Variants in PRPSAP1 observed in about 807,000 individuals in gnomAD.
PRPSAP1 encodes phosphoribosyl pyrophosphate synthase-associated protein 1.
In PRPSAP1, 31 loss-of-function variants were observed where a neutral mutation model predicts 39.4. That is an observed-to-expected ratio of 0.79 (90% CI 0.59 to 1.06). PRPSAP1 has a LOEUF of 1.06. Among genes scored for constraint, PRPSAP1 ranks in the 50% least tolerant of loss-of-function variants. The pLI, the probability that PRPSAP1 is intolerant of heterozygous loss-of-function variation, is 0.00. For missense variants in PRPSAP1, 430 were observed against 511.6 expected (o/e 0.84, Z 1.54); for synonymous variants, 212 against 192.6 (o/e 1.10, Z -0.83).
In PRPSAP1 at chr17:76,330,554, T is replaced by C. The variant is rs1442367252; in HGVS notation, c.576A>G (p.Glu192=). The stretch of plus-strand genomic sequence containing the variant: ...GTGTTTGCTGGTGGTTCCTCACTTC[T>C]TCCTGGATATACTGAAGCAGGAAAG... The part of the protein sequence containing the change: ...ASPFLLQYIQ[E]EIPNYRNAVI... The change falls in exon 5 of 10, where the codon GAA becomes GAG. Residue 192 remains glutamate (E), a synonymous_variant. Transcript: ENST00000446526. The C allele has an allele frequency of 1.3e-6, 2 of 1,595,202 alleles. No homozygotes were observed. The highest frequency in any genetic ancestry group is 1.1e-5 in the South Asian group (1 of 89,902).
intron 7 of PRPSAP1, among the ~76,000 whole-genome samples, chr17:76,322,492 A>G (rs2071208772): frequency 1.3e-5 from 2 of 152,222 alleles, no homozygotes; most frequent in African/African-American, 2.4e-5. Flanking sequence ...TACAACATCC[A>G]TTCTGCAGCC....
chr17:76,328,885 T>A (rs985653378), intron 6 of PRPSAP1, 23 bp from the exon 7 acceptor site: 15 of 1,587,216 alleles, frequency 9.5e-6, no homozygotes, highest in Non-Finnish European at 1.2e-5. Flanking sequence ...AGGGAAATGG[T>A]GAAACTGACA....
intron 3 of PRPSAP1, among the ~76,000 whole-genome samples, chr17:76,339,174 G>A (rs1357978315): frequency 1.3e-5 from 2 of 152,052 alleles, no homozygotes; most frequent in Non-Finnish European, 2.9e-5. Flanking sequence ...GGAGGCCAAG[G>A]CGGGTGGATC....
At position 76,332,254 on chromosome 17, in the gene PRPSAP1, C is replaced by A. The variant is rs1203159958; in HGVS notation, c.463+9G>T. 6.2e-7 allele frequency: 1 copy of A among 1,613,202 alleles called. No homozygotes were observed. The highest frequency in any genetic ancestry group is 1.7e-5 in the Admixed American group (1 of 59,986). On this transcript the variant is annotated intron_variant, in intron 4 of 9. Transcript: ENST00000446526. ...ATGCTGGAACCCCAGGGCCCCCGCG[C>A]ACACTCACCTGCTTTCGCCAGCATG...
In PRPSAP1 at chr17:76,339,756, A is replaced by T. The variant is rs1246941565; in HGVS notation, c.290+4915T>A. Among the ~76,000 whole-genome samples the T allele has an allele frequency of 2.6e-5, 4 of 151,648 alleles. No individual in the cohort carries two copies. In the South Asian group the frequency reaches 8.3e-4, roughly 31 times the overall value. Reference sequence around the variant, plus strand: ...GCCTTTCCATGTTGACTTATGTAAAATTGTCATTGTTATTGTACAAGACTC... The same window carrying T: ...GCCTTTCCATGTTGACTTATGTAAATTTGTCATTGTTATTGTACAAGACTC... On this transcript the variant is annotated intron_variant, in intron 3 of 9. Coordinates refer to ENST00000446526, the MANE Select transcript of PRPSAP1 (RefSeq NM_002766.3).
At chr17:76,336,109 T>A (rs1240112745) in intron 3 of PRPSAP1, among the ~76,000 whole-genome samples, 1 of 152,180 alleles carries the variant, frequency 6.6e-6, no homozygotes, top group Non-Finnish European at 1.5e-5. Context: ...AGATAAACAA[T>A]TTTTGAGAAG....
At chr17:76,339,388 C>G (rs1347748713) in intron 3 of PRPSAP1, among the ~76,000 whole-genome samples, 1 of 151,764 alleles carries the variant, frequency 6.6e-6, no homozygotes, top group East Asian at 1.9e-4. Context: ...CTGGGCAACA[C>G]AGCAAGCCTC....
At position 76,328,773 on chromosome 17, in the gene PRPSAP1, C is replaced by T. The variant is rs371296245; in HGVS notation, c.725G>A (p.Arg242His). The T allele has an allele frequency of 3.1e-6, 5 of 1,614,104 alleles. No homozygotes were observed. Among genetic ancestry groups the T allele is most frequent in the East Asian group, 2.2e-5 (1 of 44,886 alleles). Residue 242 changes from arginine to histidine, a missense_variant, in exon 7 of 10, where the codon CGT becomes CAT. This residue lies in a region of PRPSAP1 where 278 missense variants were observed against 376.3 expected (regional missense o/e 0.74). Transcript: ENST00000446526. ...QCTELDMDDG[R>H]HSPPMVKNAT... ...ATTTTTGACCATAGGCGGGGAGTGA[C>T]GACCATCGTCCATGTCCAGTTCCGT...
chr17:76,338,702 CAAAAAA>C (rs2071404233), intron 3 of PRPSAP1, among the ~76,000 whole-genome samples: 1 of 151,010 alleles, frequency 6.6e-6, no homozygotes, highest in Non-Finnish European at 1.5e-5. Context: ...GACTCCGTCT[CAAAAAA>C]TAAATAAAAT....
At position 76,330,079 on chromosome 17, in the gene PRPSAP1, G is replaced by C; in HGVS notation, c.599C>G (p.Ala200Gly). The change falls in exon 6 of 10, where the codon GCA becomes GGA. Residue 200 changes from alanine to glycine, a missense_variant. Physicochemically the swap from Ala to Gly is moderately conservative, Grantham distance 60. Coordinates refer to ENST00000446526, the MANE Select transcript of PRPSAP1 (RefSeq NM_002766.3). ...IQEEIPNYRN[A>G]VIVAKSPDAA... ...ATCAGGAGACTTAGCTACAATGACT[G>C]CATTTCTGTAATTTGGAATCTAGAT... is the stretch of plus-strand genomic sequence containing the variant. 6.2e-7 allele frequency: 1 copy of C among 1,613,418 alleles called. No homozygotes were observed. The highest frequency in any genetic ancestry group is 8.5e-7 in the Non-Finnish European group (1 of 1,179,420).
chr17:76,354,086 C>A (rs1000293066), upstream of PRPSAP1: 4 of 1,038,144 alleles, frequency 3.9e-6, no homozygotes, highest in Non-Finnish European at 4.6e-6. Flanking sequence ...GGAGCTCTTT[C>A]GGTCTCACTT....
intron 8 of PRPSAP1, 110 bp downstream of exon 8, chr17:76,313,711 A>ACATGGATC: frequency 8.4e-7 from 1 of 1,195,790 alleles, no homozygotes; most frequent in Non-Finnish European, 1.2e-6. Context: ...GAGAAAGGAT[A>ACATGGATC]CATGGATCCA....
chr17:76,320,353 A>T (rs201162840), intron 7 of PRPSAP1, among the ~76,000 whole-genome samples: 6 of 118,544 alleles, frequency 5.1e-5, no homozygotes, highest in Admixed American at 8.7e-5. Context: ...GGAAGGAAGG[A>T]AGAAAAAGGA....
At chr17:76,321,448 G>A (rs2071197497) in intron 7 of PRPSAP1, among the ~76,000 whole-genome samples, 1 of 152,020 alleles carries the variant, frequency 6.6e-6, no homozygotes, top group Non-Finnish European at 1.5e-5. Flanking sequence ...GGCTGAGGCA[G>A]GAGAATTACT....
At chr17:76,314,436 C>T (rs939313774) in intron 7 of PRPSAP1, 3 of 155,788 alleles carry the variant, frequency 1.9e-5, no homozygotes, top group Admixed American at 6.4e-5. Flanking sequence ...AGGCTGGTCT[C>T]GAACTCCTGA....
chr17:76,338,411 T>TA (rs777251082), intron 3 of PRPSAP1, among the ~76,000 whole-genome samples: 1 of 152,082 alleles, frequency 6.6e-6, no homozygotes, highest in Non-Finnish European at 1.5e-5. Context: ...CAGATAATAT[T>TA]AAAAAACCAG....
intron 2 of PRPSAP1, among the ~76,000 whole-genome samples, chr17:76,346,936 G>C (rs375692805): frequency 2.4e-4 from 37 of 152,148 alleles, no homozygotes; most frequent in Non-Finnish European, 4.9e-4. Flanking sequence ...ACTGTACTGG[G>C]AACCCCAAAA....
intron 7 of PRPSAP1, among the ~76,000 whole-genome samples, chr17:76,327,682 A>G (rs1028747149): frequency 3.3e-5 from 5 of 152,098 alleles, no homozygotes; most frequent in African/African-American, 1.2e-4. Context: ...AATAAAAGTT[A>G]CCTGATCCCC....
chr17:76,325,832 T>C (rs1262031004), intron 7 of PRPSAP1, among the ~76,000 whole-genome samples: 1 of 152,018 alleles, frequency 6.6e-6, no homozygotes, highest in African/African-American at 2.4e-5. Flanking sequence ...GGTCTCGATC[T>C]CCTGACCTCG....
Sources: allele counts gnomAD v4.1 joint callset (sites outside exome capture counted in the v4.1 genomes callset), GRCh38; gene constraint gnomAD v4.1.1; regional missense constraint gnomAD v4.1.1; transcripts MANE v1.5; gene names NCBI Gene and HGNC (gene_info 2026-07-23, HGNC 2026-07-21).